Variants in C8orf34 observed in about 807,000 individuals in gnomAD.
C8orf34 encodes uncharacterized protein C8orf34.
In C8orf34, 65 loss-of-function variants were observed where a neutral mutation model predicts 68.3. The observed-to-expected ratio is 0.95, with a 90% CI of 0.78 to 1.17. The LOEUF is 1.17. Among genes scored for constraint, C8orf34 ranks in the 50% most tolerant of loss-of-function variants. The probability of loss-of-function intolerance (pLI) is 0.00; values close to 1 mark genes in which losing one functional copy is unlikely to be tolerated. For synonymous variants in C8orf34, 244 were observed against 241.2 expected (o/e 1.01, Z -0.11); for missense variants, 664 against 655.4 (o/e 1.01, Z -0.14).
intron 8 of C8orf34, among the ~76,000 whole-genome samples, chr8:68,685,315 T>A (rs1820482529): frequency 6.6e-6 from 1 of 152,058 alleles, no homozygotes; most frequent in Non-Finnish European, 1.5e-5. Context: ...CAAAGTGAAA[T>A]GATTAAAAAC....
intron 8 of C8orf34, among the ~76,000 whole-genome samples, chr8:68,706,317 G>C (rs1015619427): frequency 6.6e-6 from 1 of 152,150 alleles, no homozygotes; most frequent in Non-Finnish European, 1.5e-5. Flanking sequence ...GAAGCAGGAG[G>C]GGACACTCCC....
chr8:68,355,860 G>C (rs988121883), intron 1 of C8orf34, among the ~76,000 whole-genome samples: 1 of 152,148 alleles, frequency 6.6e-6, no homozygotes, highest in African/African-American at 2.4e-5. Context: ...TATCATCTCA[G>C]AGAGGCAACT....
At chr8:68,350,923 C>CTTT (rs1806485543) in intron 1 of C8orf34, among the ~76,000 whole-genome samples, 1 of 151,972 alleles carries the variant, frequency 6.6e-6, no homozygotes, top group African/African-American at 2.4e-5. Flanking sequence ...GTTTGCCACT[C>CTTT]TATGCCTTTT....
rs562133188 is a variant in C8orf34, at chr8:68,703,703, C to A, written c.1242-5291C>A. Among the ~76,000 whole-genome samples, 106 of 152,188 alleles carry A rather than the reference C, an allele frequency of 7.0e-4. 1 individual carries two copies. Among genetic ancestry groups the A allele is most frequent in the African/African-American group, 2.5e-3 (103 of 41,526 alleles). On this transcript the variant is annotated intron_variant, in intron 8 of 13. Coordinates refer to ENST00000518698, the MANE Select transcript of C8orf34 (RefSeq NM_052958.4). The stretch of plus-strand genomic sequence containing the variant: ...TTCAGTGGGCACACCTCATTAGGCT[C>A]CTCAAAAATTCTTGTGGGGTTGAGC...
At position 68,818,441 on chromosome 8, in the gene C8orf34, T is replaced by C; in HGVS notation, c.*195T>C. 4 of 585,924 alleles carry C rather than the reference T, an allele frequency of 6.8e-6. No individual in the cohort carries two copies. The highest frequency in any genetic ancestry group is 1.2e-5 in the Non-Finnish European group (4 of 335,116). The allele number at this position is 585,924 out of a possible 1,614,324, so 36.3% of individuals were successfully genotyped here. ...AGAGAACACTAATCCTGGCAAAGGA[T>C]TGTGGGGTGGTCAGGAGGCCGGCTG... On this transcript the variant is annotated 3_prime_UTR_variant, in exon 14 of 14. Transcript: ENST00000518698.
intron 7 of C8orf34, among the ~76,000 whole-genome samples, chr8:68,565,589 T>C (rs1816562811): frequency 6.6e-6 from 1 of 152,050 alleles, no homozygotes. Flanking sequence ...GAAGCTAAAA[T>C]AATGGTGACA....
At chr8:68,562,603 C>T (rs747953466) in intron 7 of C8orf34, among the ~76,000 whole-genome samples, 28 of 152,128 alleles carry the variant, frequency 1.8e-4, no homozygotes, top group Non-Finnish European at 3.5e-4. Flanking sequence ...CCTAAAGACA[C>T]ATTATCATAG....
At chr8:68,670,906 G>A (rs2130840785) in intron 8 of C8orf34, among the ~76,000 whole-genome samples, 1 of 152,268 alleles carries the variant, frequency 6.6e-6, no homozygotes, top group South Asian at 2.1e-4. Context: ...TATAAATTGT[G>A]TGATTTAATT....
intron 11 of C8orf34, among the ~76,000 whole-genome samples, chr8:68,786,252 C>G (rs780221620): frequency 1.3e-5 from 2 of 152,032 alleles, no homozygotes; most frequent in Admixed American, 1.3e-4. Context: ...TTATTTTGTT[C>G]TAGAGGAGAA....
At chr8:68,573,564 T>A (rs148506584) in intron 7 of C8orf34, among the ~76,000 whole-genome samples, 7 of 152,292 alleles carry the variant, frequency 4.6e-5, no homozygotes, top group African/African-American at 1.7e-4. Context: ...GTTATGATAA[T>A]AGATGACTGG....
At chr8:68,616,462 T>C (rs1818217418) in intron 7 of C8orf34, among the ~76,000 whole-genome samples, 1 of 152,194 alleles carries the variant, frequency 6.6e-6, no homozygotes, top group Non-Finnish European at 1.5e-5. Flanking sequence ...CTGCTTTGAA[T>C]GTGTCCCAGA....
chr8:68,801,069 T>C (rs1466010928), intron 12 of C8orf34, among the ~76,000 whole-genome samples: 1 of 152,210 alleles, frequency 6.6e-6, no homozygotes, highest in African/African-American at 2.4e-5. Flanking sequence ...TATTTTGGAA[T>C]GGCTTACTGC....
chr8:68,757,411 C>A (rs1167350535), intron 10 of C8orf34, among the ~76,000 whole-genome samples: 1 of 152,104 alleles, frequency 6.6e-6, no homozygotes, highest in African/African-American at 2.4e-5. Flanking sequence ...GGGCGGATCA[C>A]CTGAGGTCAG....
At chr8:68,741,919 C>T (rs546043174) in intron 10 of C8orf34, among the ~76,000 whole-genome samples, 31 of 152,304 alleles carry the variant, frequency 2.0e-4, no homozygotes, top group African/African-American at 6.5e-4. Flanking sequence ...CACTCACACT[C>T]CTCAGTCACT....
chr8:68,735,114 A>G (rs955112965), intron 10 of C8orf34, among the ~76,000 whole-genome samples: 8 of 152,202 alleles, frequency 5.3e-5, no homozygotes, highest in African/African-American at 1.4e-4. Context: ...TGTAGGTATG[A>G]TTGGAACCTA....
intron 8 of C8orf34, among the ~76,000 whole-genome samples, chr8:68,656,705 T>G (rs1819519651): frequency 6.6e-6 from 1 of 152,144 alleles, no homozygotes; most frequent in Admixed American, 6.5e-5. Context: ...CCTTTCCTCC[T>G]CCTCTCACAA....
intron 6 of C8orf34, among the ~76,000 whole-genome samples, chr8:68,531,982 A>G (rs1485057802): frequency 2.0e-5 from 3 of 152,072 alleles, no homozygotes; most frequent in Non-Finnish European, 2.9e-5. Context: ...CAACAACACC[A>G]AGAGAAGCCA....
chr8:68,806,218 G>T (rs1396845499), intron 12 of C8orf34, among the ~76,000 whole-genome samples: 1 of 151,596 alleles, frequency 6.6e-6, no homozygotes, highest in Non-Finnish European at 1.5e-5. Flanking sequence ...TTTAAATATT[G>T]CCAATATCCA....
At chr8:68,419,387 A>C (rs995543949) in intron 1 of C8orf34, among the ~76,000 whole-genome samples, 2 of 149,248 alleles carry the variant, frequency 1.3e-5, no homozygotes, top group African/African-American at 5.1e-5. Flanking sequence ...GTGGGACTCT[A>C]AACTAGTTCA....
Sources: allele counts gnomAD v4.1 joint callset (sites outside exome capture counted in the v4.1 genomes callset), GRCh38; gene constraint gnomAD v4.1.1; transcripts MANE v1.5; gene names NCBI Gene and HGNC (gene_info 2026-07-23, HGNC 2026-07-21).